The following BSCL2 variants were observed in gnomAD, a reference collection of about 807,000 sequenced individuals.
The protein encoded by BSCL2 is seipin.
A neutral mutation model predicts 57.4 loss-of-function variants in BSCL2; 41 were observed. That is an observed-to-expected ratio of 0.71 (90% confidence interval 0.56 to 0.93). The LOEUF is 0.93. Among genes scored for constraint, BSCL2 ranks in the 40% least tolerant of loss-of-function variants. The pLI, the probability that BSCL2 is intolerant of heterozygous loss-of-function variation, is 0.00. For synonymous variants in BSCL2, 237 were observed against 227.3 expected, an observed-to-expected ratio of 1.04 and a Z score of -0.38; for missense variants, 539 against 586.7, an observed-to-expected ratio of 0.92 and a Z score of 0.84.
intron 2 of BSCL2, among the ~76,000 whole-genome samples, chr11:62,703,106 C>T (rs193255938): frequency 7.3e-5 from 11 of 150,592 alleles, no homozygotes; most frequent in Non-Finnish European, 1.0e-4. Flanking sequence ...GCCAAGATCA[C>T]GCCACTGCAC....
At position 62,705,455 on chromosome 11, in the gene BSCL2, A is replaced by G; in HGVS notation, c.250T>C (p.Leu84=). 4 of 1,614,214 alleles carry G rather than the reference A, an allele frequency of 2.5e-6. No individual in the cohort carries two copies. Among genetic ancestry groups the G allele is most frequent in the Non-Finnish European group, 3.4e-6 (4 of 1,180,042 alleles). Residue 84 remains leucine, a synonymous_variant, in exon 2 of 11, where the codon TTG becomes CTG. Transcript: ENST00000360796. ...AGCAGCCTGCGGGCACGGCCTGCCA[A>G]GACTTGGCCCACCTCCTGGGCCCAC... is the stretch of plus-strand genomic sequence containing the variant. The part of the protein sequence containing the change: ...LLWAQEVGQV[L]AGRARRLLLQ...
upstream of BSCL2, chr11:62,708,341 G>A: frequency 6.2e-7 from 1 of 1,613,914 alleles, no homozygotes; most frequent in Non-Finnish European, 8.5e-7. Context: ...TATTGGGCAA[G>A]CACGCAAGAT....
chr11:62,705,539 C>G lies in BSCL2; in HGVS notation c.166G>C (p.Gly56Arg). The change falls in exon 2 of 11, where the codon GGG (glycine) becomes CGG (arginine). Residue 56 changes from glycine to arginine, a missense_variant. Gly to Arg is a moderately radical substitution (Grantham distance 125). Coordinates refer to ENST00000360796, the MANE Select transcript of BSCL2 (RefSeq NM_001122955.4). Reference sequence around the variant, plus strand: ...GCCGGGAGAGCAGGGTGTCTGGCCCCAGGTTCAGGCCTTGCGTTCCTAGCT... The same window carrying G: ...GCCGGGAGAGCAGGGTGTCTGGCCCGAGGTTCAGGCCTTGCGTTCCTAGCT... ...RAARNARPEP[G>R]ARHPALPAMV... 1 of 1,611,340 alleles carries G rather than the reference C, an allele frequency of 6.2e-7. No individual in the cohort carries two copies. The highest frequency in any genetic ancestry group is 8.5e-7 in the Non-Finnish European group (1 of 1,178,018).
intron 1 of BSCL2, chr11:62,706,323 C>T (rs1231173210): frequency 6.2e-6 from 7 of 1,130,022 alleles, no homozygotes; most frequent in South Asian, 1.8e-5. Flanking sequence ...AGTCCCGCCC[C>T]TCTCCGCCGG....
intron 2 of BSCL2, among the ~76,000 whole-genome samples, chr11:62,703,900 C>T (rs1945729036): frequency 7.0e-6 from 1 of 142,108 alleles, no homozygotes; most frequent in African/African-American, 2.6e-5. Context: ...GGGTGGATCA[C>T]GAGGTCAGGA....
At position 62,690,456 on chromosome 11, in the gene BSCL2, A is replaced by C. The variant is rs199584887; in HGVS notation, c.1300T>G (p.Ser434Ala). 1.8e-5 allele frequency: 29 copies of C among 1,613,996 alleles called. No individual in the cohort carries two copies. The African/African-American group carries it at 3.9e-4, about 22-fold the overall frequency. Residue 434 changes from serine to alanine, a missense_variant, in exon 11 of 11, where the codon TCT (serine) becomes GCT (alanine). Coordinates refer to ENST00000360796, the MANE Select transcript of BSCL2 (RefSeq NM_001122955.4). ...EANLPAPAPA[S>A]ASAPVLETLG... Reference sequence around the variant, plus strand: ...GTCTCTAGGACAGGGGCAGAAGCAGAAGCAGGAGCAGGAGCAGGCAGGTTG... The same window carrying C: ...GTCTCTAGGACAGGGGCAGAAGCAGCAGCAGGAGCAGGAGCAGGCAGGTTG...
upstream of BSCL2, chr11:62,708,382 G>A: frequency 1.2e-6 from 2 of 1,612,104 alleles, no homozygotes; most frequent in Admixed American, 1.7e-5. Context: ...AAGCCAGCTT[G>A]TGTCGGATAA....
In BSCL2 at chr11:62,706,142, A is replaced by C. The variant is rs984288142; in HGVS notation, c.88-525T>G. The C allele has an allele frequency of 2.1e-5, 20 of 950,988 alleles. No homozygotes were observed. In the South Asian group the frequency reaches 5.8e-4, roughly 28 times the overall value. 58.9% of individuals were successfully genotyped at this position (950,988 alleles called of 1,614,324 possible). Reference sequence around the variant, plus strand: ...CGCCCGGCGGAGCGCCCTGCAGCCAACCGCCGCTTCCCGCCAGTCCCCTCC... The same window carrying C: ...CGCCCGGCGGAGCGCCCTGCAGCCACCCGCCGCTTCCCGCCAGTCCCCTCC... On this transcript the variant is annotated intron_variant, in intron 1 of 10. Transcript: ENST00000360796.
chr11:62,691,483 T>C, intron 6 of BSCL2, 62 bp from the exon 7 acceptor site: 1 of 1,582,420 alleles, frequency 6.3e-7, no homozygotes, highest in Non-Finnish European at 8.7e-7. Context: ...AGCCTTCTCA[T>C]GTCCCAGAAA....
At chr11:62,707,808 C>T (rs1326790833), upstream of BSCL2, 2 of 253,554 alleles carry the variant, frequency 7.9e-6, no homozygotes, top group Non-Finnish European at 1.6e-5. Context: ...GCATCAGATA[C>T]TTTCAGCTGC....
chr11:62,694,105 C>T (rs772291746), intron 4 of BSCL2, among the ~76,000 whole-genome samples: 30 of 151,054 alleles, frequency 2.0e-4, no homozygotes, highest in African/African-American at 6.6e-4. Context: ...TGAGCCACTG[C>T]GCCCGGCCTT....
intron 4 of BSCL2, among the ~76,000 whole-genome samples, chr11:62,693,060 T>C (rs772602889): frequency 2.0e-5 from 3 of 152,164 alleles, no homozygotes; most frequent in Non-Finnish European, 4.4e-5. Context: ...CAGCACTGTC[T>C]CTGATCTGCC....
chr11:62,707,296 T>C lies in BSCL2; in HGVS notation c.-101A>G. 1.9e-6 allele frequency: 2 copies of C among 1,028,832 alleles called. No homozygotes were observed. The highest frequency in any genetic ancestry group is 3.0e-6 in the Non-Finnish European group (2 of 672,322). 63.7% of individuals were successfully genotyped at this position (1,028,832 alleles called of 1,614,324 possible). ...ACGCTGATACCTGTGGCGCATCACATTTTCCTGGATATGGAAAATGGAGGG... is the reference window on the plus strand; with the variant it reads ...ACGCTGATACCTGTGGCGCATCACACTTTCCTGGATATGGAAAATGGAGGG... On this transcript the variant is annotated 5_prime_UTR_variant, in exon 1 of 11. It removes an upstream start codon present in the reference 5' UTR. Transcript: ENST00000360796.
chr11:62,699,498 G>A (rs1246954095), intron 3 of BSCL2, among the ~76,000 whole-genome samples: 2 of 151,878 alleles, frequency 1.3e-5, no homozygotes, highest in Non-Finnish European at 2.9e-5. Context: ...GCCCAGTCAA[G>A]TCATTTATTA....
intron 2 of BSCL2, among the ~76,000 whole-genome samples, chr11:62,704,841 T>C (rs1565152357): frequency 6.6e-6 from 1 of 152,220 alleles, no homozygotes; most frequent in Non-Finnish European, 1.5e-5. Context: ...AGCAAGTTTA[T>C]GCGCCTACTC....
Position 62,701,329 on chromosome 11 carries a change from G to A in BSCL2, c.486+1139C>T, listed in dbSNP as rs190626094. 2.6e-5 allele frequency among the ~76,000 whole-genome samples: 4 copies of A among 152,128 alleles called. No homozygotes were observed. The East Asian group carries it at 5.8e-4, about 22-fold the overall frequency. On this transcript the variant is annotated intron_variant, in intron 3 of 10. Transcript: ENST00000360796. ...TCAGTTTATGATGGGGTTACATTCC[G>A]ATAAACCCATCTAAGTTGAAACTAT... is the stretch of plus-strand genomic sequence containing the variant.
At position 62,691,191 on chromosome 11, in the gene BSCL2, A is replaced by C. The variant is rs72929419; in HGVS notation, c.1006-50T>G. On this transcript the variant is annotated intron_variant, in intron 7 of 10. Coordinates refer to ENST00000360796, the MANE Select transcript of BSCL2 (RefSeq NM_001122955.4). ...GCCAGGACTGACTTCCCTCACTAAC[A>C]ATCAGGACCCTCATGCCTTAATCCC... is the stretch of plus-strand genomic sequence containing the variant. 0.025 allele frequency: 40,878 copies of C among 1,613,856 alleles called. 689 individuals carry two copies. Among genetic ancestry groups the C allele is most frequent in the Middle Eastern group, 0.087 (526 of 6,062 alleles).
chr11:62,690,451 A>G lies in BSCL2; in HGVS notation c.1305T>C (p.Ala435=). The part of the protein sequence containing the change: ...ANLPAPAPAS[A]SAPVLETLGS... Reference sequence around the variant, plus strand: ...CCAGAGTCTCTAGGACAGGGGCAGAAGCAGAAGCAGGAGCAGGAGCAGGCA... The same window carrying G: ...CCAGAGTCTCTAGGACAGGGGCAGAGGCAGAAGCAGGAGCAGGAGCAGGCA... The change falls in exon 11 of 11, where the codon GCT becomes GCC. Residue 435 remains alanine, a synonymous_variant. Coordinates refer to ENST00000360796, the MANE Select transcript of BSCL2 (RefSeq NM_001122955.4). 6.2e-7 allele frequency: 1 copy of G among 1,613,994 alleles called. No homozygotes were observed. The highest frequency in any genetic ancestry group is 8.5e-7 in the Non-Finnish European group (1 of 1,180,000).
chr11:62,690,473 G>A lies in BSCL2; in HGVS notation c.1283C>T (p.Pro428Leu). The change falls in exon 11 of 11, where the codon CCT (proline) becomes CTT (leucine). Residue 428 changes from proline to leucine, a missense_variant. By Grantham distance (98) the Pro-to-Leu change is moderately conservative (BLOSUM62 -3). Transcript: ENST00000360796. ...AGAAGCAGAAGCAGGAGCAGGAGCA[G>A]GCAGGTTGGCCTCCGTCAGCAAAGC... is the stretch of plus-strand genomic sequence containing the variant. ...DAALLTEANL[P>L]APAPASASAP... 1 of 1,614,196 alleles carries A rather than the reference G, an allele frequency of 6.2e-7. No homozygotes were observed.
Sources: allele counts gnomAD v4.1 joint callset (sites outside exome capture counted in the v4.1 genomes callset), GRCh38; gene constraint gnomAD v4.1.1; transcripts MANE v1.5; gene names NCBI Gene and HGNC (gene_info 2026-07-23, HGNC 2026-07-21).